The following SETD3 variants were observed in gnomAD, a reference collection of about 807,000 sequenced individuals.
SETD3 encodes the protein SET domain containing 3, actin N3(tau)-histidine methyltransferase, also known as actin-histidine N-methyltransferase.
Under a neutral mutation model 63.0 loss-of-function variants are expected in SETD3, and 19 were observed. That is an observed-to-expected ratio of 0.30 (90% CI 0.21 to 0.44). SETD3 has a LOEUF of 0.44. Among genes scored for constraint, SETD3 ranks in the 20% least tolerant of loss-of-function variants. The pLI, the probability that SETD3 is intolerant of heterozygous loss-of-function variation, is 1.00. For missense variants in SETD3, 587 were observed against 728.5 expected, an observed-to-expected ratio of 0.81 and a Z score of 2.24; for synonymous variants, 286 against 264.1, an observed-to-expected ratio of 1.08 and a Z score of -0.80.
intron 6 of SETD3, among the ~76,000 whole-genome samples, chr14:99,453,198 C>T (rs954578770): frequency 2.6e-5 from 4 of 152,176 alleles, no homozygotes; most frequent in African/African-American, 9.6e-5. Context: ...CCTGGAAAAG[C>T]ATGGGAAAGA....
chr14:99,453,997 G>A (rs962939541), intron 6 of SETD3, among the ~76,000 whole-genome samples: 3 of 152,148 alleles, frequency 2.0e-5, no homozygotes, highest in African/African-American at 4.8e-5. Flanking sequence ...TAAAGACTGC[G>A]CTTTTCACAC....
Position 99,398,501 on chromosome 14 carries a change from A to T in SETD3, c.*178T>A. 1.6e-6 allele frequency: 1 copy of T among 626,712 alleles called. No individual in the cohort carries two copies. The highest frequency in any genetic ancestry group is 2.7e-6 in the Non-Finnish European group (1 of 372,412). 38.8% of individuals were successfully genotyped at this position (626,712 alleles called of 1,614,324 possible). ...TGCCTAAAAGCAAGATGGCAATCTT[A>T]ATCAAAAAGGGAAGCTAGATTTTTA... On this transcript the variant is annotated 3_prime_UTR_variant, in exon 13 of 13. Transcript: ENST00000331768.
chr14:99,469,708 T>C (rs1184347271), intron 1 of SETD3, among the ~76,000 whole-genome samples: 1 of 152,186 alleles, frequency 6.6e-6, no homozygotes, highest in Non-Finnish European at 1.5e-5. Context: ...ATGGCGTCAC[T>C]GCACTCCAGC....
chr14:99,416,671 C>T (rs982725852), intron 6 of SETD3, among the ~76,000 whole-genome samples: 9 of 152,158 alleles, frequency 5.9e-5, no homozygotes, highest in African/African-American at 1.4e-4. Flanking sequence ...CCAGCAGCAG[C>T]GGCAATGGGG....
At chr14:99,401,996 C>G (rs1891414881) in intron 11 of SETD3, among the ~76,000 whole-genome samples, 2 of 151,612 alleles carry the variant, frequency 1.3e-5, no homozygotes, top group Admixed American at 1.3e-4. Flanking sequence ...GCAGCAGGTG[C>G]CCTCCTGAGC....
chr14:99,447,618 C>A (rs1894210348), intron 6 of SETD3, among the ~76,000 whole-genome samples: 1 of 152,220 alleles, frequency 6.6e-6, no homozygotes. Flanking sequence ...CCAAGACAGC[C>A]AGTGGCTCTA....
At chr14:99,421,232 G>A (rs1373810895) in intron 6 of SETD3, among the ~76,000 whole-genome samples, 1 of 151,964 alleles carries the variant, frequency 6.6e-6, no homozygotes, top group Admixed American at 6.6e-5. Context: ...GAAATAAACA[G>A]AACGGTAAAA....
chr14:99,403,438 C>A (rs1891490458), intron 11 of SETD3, among the ~76,000 whole-genome samples: 1 of 113,672 alleles, frequency 8.8e-6, no homozygotes, highest in African/African-American at 3.8e-5. Flanking sequence ...CATACACACA[C>A]ACACACACAC....
chr14:99,434,825 C>A (rs1390033502), intron 6 of SETD3, among the ~76,000 whole-genome samples: 2 of 89,284 alleles, frequency 2.2e-5, no homozygotes, highest in African/African-American at 9.7e-5. Context: ...CCAGCCTGGG[C>A]AACAAGAGCA....
intron 6 of SETD3, among the ~76,000 whole-genome samples, chr14:99,419,027 T>C (rs1892432621): frequency 6.6e-6 from 1 of 152,162 alleles, no homozygotes; most frequent in Admixed American, 6.5e-5. Flanking sequence ...AATTGCAAAG[T>C]ATCTCTTGAA....
intron 6 of SETD3, among the ~76,000 whole-genome samples, chr14:99,432,847 A>G (rs1364772299): frequency 2.6e-5 from 4 of 152,134 alleles, no homozygotes; most frequent in Non-Finnish European, 5.9e-5. Context: ...CAGGTGTGAC[A>G]GCCAAAATGT....
At chr14:99,442,749 C>CT (rs1893899141) in intron 6 of SETD3, among the ~76,000 whole-genome samples, 1 of 152,200 alleles carries the variant, frequency 6.6e-6, no homozygotes, top group African/African-American at 2.4e-5. Context: ...GGTAAGGCCT[C>CT]TGGTCAACAG....
rs554434799 is a variant in SETD3, at chr14:99,477,838, G to A, written c.-9+2890C>T. On this transcript the variant is annotated intron_variant, in intron 1 of 12. Transcript: ENST00000331768. ...TATTTTGATAGAAATTTTTTACCTT[G>A]AGAGTAAATATTATGTAAATTAATT... 2.0e-5 allele frequency among the ~76,000 whole-genome samples: 3 copies of A among 149,216 alleles called. No homozygotes were observed. The South Asian group carries it at 6.4e-4, about 32-fold the overall frequency.
chr14:99,405,820 T>C (rs1436549972), intron 9 of SETD3, among the ~76,000 whole-genome samples: 1 of 152,250 alleles, frequency 6.6e-6, no homozygotes, highest in African/African-American at 2.4e-5. Flanking sequence ...CAGAAACTTA[T>C]TTCTAGATCC....
intron 6 of SETD3, among the ~76,000 whole-genome samples, chr14:99,424,568 C>T (rs1892775621): frequency 6.6e-6 from 1 of 152,162 alleles, no homozygotes; most frequent in Admixed American, 6.5e-5. Context: ...GGGATAAAGC[C>T]AGGACAGAAA....
At chr14:99,473,968 T>C (rs1310709199) in intron 1 of SETD3, among the ~76,000 whole-genome samples, 1 of 152,204 alleles carries the variant, frequency 6.6e-6, no homozygotes, top group Non-Finnish European at 1.5e-5. Context: ...CGCCATGCCA[T>C]ACCAACTCAT....
intron 6 of SETD3, among the ~76,000 whole-genome samples, chr14:99,435,964 G>T (rs1467766808): frequency 1.3e-5 from 2 of 152,254 alleles, no homozygotes; most frequent in African/African-American, 4.8e-5. Flanking sequence ...TTGACTCACA[G>T]TTCAGCATGG....
At chr14:99,461,846 A>T (rs1895080220) in intron 3 of SETD3, among the ~76,000 whole-genome samples, 1 of 152,252 alleles carries the variant, frequency 6.6e-6, no homozygotes, top group Non-Finnish European at 1.5e-5. Flanking sequence ...AGAAGGCTGT[A>T]AGGCAATTTA....
At chr14:99,442,798 G>C (rs978003816) in intron 6 of SETD3, among the ~76,000 whole-genome samples, 1 of 152,142 alleles carries the variant, frequency 6.6e-6, no homozygotes, top group Non-Finnish European at 1.5e-5. Flanking sequence ...TATGGATTTC[G>C]ACTGCATGGG....
Sources: gnomAD v4.1 joint callset for allele counts (sites outside exome capture counted in the v4.1 genomes callset) on GRCh38, gnomAD v4.1.1 for gene constraint, MANE v1.5 for transcripts, NCBI Gene and HGNC (gene_info 2026-07-23, HGNC 2026-07-21) for gene names.